The following SSRP1 variants were observed in gnomAD, a reference collection of about 807,000 sequenced individuals.
The protein encoded by SSRP1 is FACT complex subunit SSRP1.
A neutral mutation model predicts 84.4 loss-of-function variants in SSRP1; 21 were observed. The observed-to-expected ratio is 0.25, with a 90% confidence interval of 0.18 to 0.36. SSRP1 has a LOEUF of 0.36. Among genes scored for constraint, SSRP1 ranks in the 10% least tolerant of loss-of-function variants. The pLI is 1.00. For synonymous variants in SSRP1, 319 were observed against 318.3 expected, an observed-to-expected ratio of 1.00 and a Z score of -0.02; for missense variants, 519 against 900.8, an observed-to-expected ratio of 0.58 and a Z score of 5.43.
In SSRP1 at chr11:57,330,884, G is replaced by C; in HGVS notation, c.1267C>G (p.Leu423Val). 1 of 1,614,208 alleles carries C rather than the reference G, an allele frequency of 6.2e-7. No homozygotes were observed. The highest frequency in any genetic ancestry group is 8.5e-7 in the Non-Finnish European group (1 of 1,180,022). ...KLFDFVNAKK[L>V]NIKNRGLKEG... is the part of the protein sequence containing the mutation. ...TTCAATCCTCGGTTTTTGATGTTGA[G>C]CTTTTTCGCGTTGACAAAATCAAAC... The change falls in exon 10 of 17, where the codon CTC becomes GTC. Residue 423 changes from leucine to valine, a missense_variant. By Grantham distance (32) the Leu-to-Val change is conservative. Coordinates refer to ENST00000278412, the MANE Select transcript of SSRP1 (RefSeq NM_003146.3). This position sits in a 1 kb window ranked among gnomAD's most constrained non-coding sequence, Gnocchi z 4.0.
At chr11:57,333,178 A>C (rs531689655) in intron 4 of SSRP1, 29 bp from the exon 5 acceptor site, 3 of 1,586,092 alleles carry the variant, frequency 1.9e-6, no homozygotes, top group African/African-American at 1.3e-5. Context: ...TCCAGCCACA[A>C]GCTCCTCCCC....
chr11:57,334,064 G>T (rs1425407979), intron 3 of SSRP1, among the ~76,000 whole-genome samples: 1 of 152,132 alleles, frequency 6.6e-6, no homozygotes, highest in African/African-American at 2.4e-5. Flanking sequence ...GAGATGGAAG[G>T]ATTACTTGAG....
At position 57,331,965 on chromosome 11, in the gene SSRP1, G is replaced by C. The variant is rs148812525; in HGVS notation, c.1002-76C>G. ...AGGGCGTATCTAGCAGCAGCGACAC[G>C]AGTGCTCATGTCCTCGACTAAGTAA... is the stretch of plus-strand genomic sequence containing the variant. On this transcript the variant is annotated intron_variant, in intron 8 of 16. Coordinates refer to ENST00000278412, the MANE Select transcript of SSRP1 (RefSeq NM_003146.3). The C allele has an allele frequency of 2.7e-4, 407 of 1,498,246 alleles. No individual in the cohort carries two copies. The African/African-American group carries it at 5.0e-3, about 18-fold the overall frequency. 92.8% of individuals were successfully genotyped at this position (1,498,246 alleles called of 1,614,324 possible).
In SSRP1 at chr11:57,332,264, G is replaced by A. The variant is rs1303459920; in HGVS notation, c.889C>T (p.Arg297Cys). ...TTCTTGGTGAGCCGACCCTCAAAGC[G>A]CTTCTCCACTTCTTCCCTACAAAGA... is the stretch of plus-strand genomic sequence containing the variant. Reference protein sequence around the residue: ...LNMNEEEVEKRFEGRLTKNMS... With the variant: ...LNMNEEEVEKCFEGRLTKNMS... Residue 297 changes from arginine (R) to cysteine (C), a missense_variant, in exon 8 of 17, where the codon CGC becomes TGC. Physicochemically the swap from Arg to Cys is radical, Grantham distance 180. Coordinates refer to ENST00000278412, the MANE Select transcript of SSRP1 (RefSeq NM_003146.3). The surrounding 1 kb of genome is among the most constrained non-coding windows in gnomAD (Gnocchi z 5.5). 1 of 1,613,966 alleles carries A rather than the reference G, an allele frequency of 6.2e-7. No homozygotes were observed. Among genetic ancestry groups the A allele is most frequent in the South Asian group, 1.1e-5 (1 of 91,062 alleles).
At chr11:57,328,685 C>T (rs937932614) in intron 12 of SSRP1, 23 of 422,362 alleles carry the variant, frequency 5.4e-5, no homozygotes, top group Non-Finnish European at 8.8e-5. Context: ...CAATGAGCTT[C>T]AGCGGATCTC....
rs1856133996 is a variant in SSRP1 at position 57,333,312 on chromosome 11, G to A, written c.346+123C>T. ...TACTGTAGGTACTCAATAAACACATGATGAACATGCAAATAGATAGGAAAC... is the reference window on the plus strand; with the variant it reads ...TACTGTAGGTACTCAATAAACACATAATGAACATGCAAATAGATAGGAAAC... On this transcript the variant is annotated intron_variant, in intron 4 of 16. Transcript: ENST00000278412. The A allele has an allele frequency of 7.0e-6, 8 of 1,143,628 alleles. No homozygotes were observed. The South Asian group carries it at 1.1e-4, about 16-fold the overall frequency. The allele number at this position is 1,143,628 out of a possible 1,614,324, so 70.8% of individuals were successfully genotyped here.
In SSRP1 at chr11:57,329,944, A is replaced by G. The variant is rs989332159; in HGVS notation, c.1481+149T>C. 1.3e-5 allele frequency: 13 copies of G among 997,908 alleles called. 1 individual carries two copies. The African/African-American group carries it at 2.1e-4, about 16-fold the overall frequency. 61.8% of individuals were successfully genotyped at this position (997,908 alleles called of 1,614,324 possible). ...CTTACAAAGCCCTTGACAATTTCCAAAACATTTTCGTATATCACCTCATTG... is the reference window on the plus strand; with the variant it reads ...CTTACAAAGCCCTTGACAATTTCCAGAACATTTTCGTATATCACCTCATTG... On this transcript the variant is annotated intron_variant, in intron 12 of 16. Coordinates refer to ENST00000278412, the MANE Select transcript of SSRP1 (RefSeq NM_003146.3).
At chr11:57,331,267 C>G (rs1315950690) in intron 9 of SSRP1, among the ~76,000 whole-genome samples, 1 of 152,084 alleles carries the variant, frequency 6.6e-6, no homozygotes. Context: ...ATGAGGATTA[C>G]ACGTGAAGAT....
At position 57,332,654 on chromosome 11, in the gene SSRP1, G is replaced by T. The variant is rs1486772599; in HGVS notation, c.739C>A (p.His247Asn). 2 of 1,613,608 alleles carry T rather than the reference G, an allele frequency of 1.2e-6. No individual in the cohort carries two copies. Among genetic ancestry groups the T allele is most frequent in the South Asian group, 1.1e-5 (1 of 91,070 alleles). ...AAGAACATCTGGCGCTGGTCCTTGTGGGGTAACAAAAACAGACGCAGTACT... is the reference window on the plus strand; with the variant it reads ...AAGAACATCTGGCGCTGGTCCTTGTTGGGTAACAAAAACAGACGCAGTACT... ...TTVLRLFLLP[H>N]KDQRQMFFVI... The change falls in exon 6 of 17, where the codon CAC (histidine) becomes AAC (asparagine). Residue 247 changes from histidine (H) to asparagine (N), a missense_variant. Physicochemically the swap from His to Asn is moderately conservative, Grantham distance 68. Transcript: ENST00000278412. This position sits in a 1 kb window ranked among gnomAD's most constrained non-coding sequence, Gnocchi z 5.5.
In SSRP1 at chr11:57,333,009, C is replaced by T; in HGVS notation, c.487G>A (p.Val163Met). ...TGGGTGGGTGGGACGTAGAAGCGCA[C>T]CTCCATGAGAGACACCTCTGCGTCA... ...NDDAEVSLME[V>M]RFYVPPTQED... The change falls in exon 5 of 17, where the codon GTG becomes ATG. Residue 163 changes from valine (V) to methionine (M), a missense_variant. Transcript: ENST00000278412. 1 of 1,614,042 alleles carries T rather than the reference C, an allele frequency of 6.2e-7. No homozygotes were observed. The highest frequency in any genetic ancestry group is 8.5e-7 in the Non-Finnish European group (1 of 1,179,986).
In SSRP1 at chr11:57,326,334, A is replaced by T; in HGVS notation, c.*73T>A. ...CCAGGGACTGCATTTCATGAGGAGAAACTGGTACCAAAATATGGGTGGGGA... is the reference window on the plus strand; with the variant it reads ...CCAGGGACTGCATTTCATGAGGAGATACTGGTACCAAAATATGGGTGGGGA... On this transcript the variant is annotated 3_prime_UTR_variant, in exon 17 of 17. Transcript: ENST00000278412. The T allele has an allele frequency of 1.4e-6, 2 of 1,429,798 alleles. No homozygotes were observed. Among genetic ancestry groups the T allele is most frequent in the Non-Finnish European group, 2.0e-6 (2 of 1,017,136 alleles). The allele number at this position is 1,429,798 out of a possible 1,614,324, so 88.6% of individuals were successfully genotyped here. A position where few individuals can be genotyped will look rare whatever the true frequency, so the allele number is the denominator to read the frequency against.
chr11:57,333,225 T>G, intron 4 of SSRP1, 76 bp from the exon 5 acceptor site: 2 of 1,477,214 alleles, frequency 1.4e-6, no homozygotes, highest in Non-Finnish European at 1.8e-6. Flanking sequence ...CCAAACTGAG[T>G]TCCACAGAGA....
In SSRP1 at chr11:57,332,505, A is replaced by C. The variant is rs368525306; in HGVS notation, c.769-19T>G. On this transcript the variant is annotated intron_variant, in intron 6 of 16. Coordinates refer to ENST00000278412, the MANE Select transcript of SSRP1 (RefSeq NM_003146.3). This position sits in a 1 kb window ranked among gnomAD's most constrained non-coding sequence, Gnocchi z 5.5. ...GGCTGATCTAGTAAGGAAGAGTACT[A>C]ATTGACACTCTACAACAACTTGCAA... is the stretch of plus-strand genomic sequence containing the variant. 74 of 1,613,300 alleles carry C rather than the reference A, an allele frequency of 4.6e-5. No homozygotes were observed. The highest frequency in any genetic ancestry group is 6.0e-5 in the Non-Finnish European group (71 of 1,179,464).
intron 13 of SSRP1, 194 bp downstream of exon 13, chr11:57,328,100 CAGA>C (rs66774208): frequency 0.094 from 95,265 of 1,014,092 alleles, 5,144 homozygotes; most frequent in Non-Finnish European, 0.11. Context: ...TCAGACCTTC[CAGA>C]AGCTTATTAA....
intron 4 of SSRP1, 53 bp downstream of exon 4, chr11:57,333,382 G>A: frequency 6.7e-7 from 1 of 1,489,492 alleles, no homozygotes; most frequent in Non-Finnish European, 9.3e-7. Context: ...GTAAAAGGCT[G>A]AAACCCTTCA....
In SSRP1 at chr11:57,330,068, C is replaced by T; in HGVS notation, c.1481+25G>A. 2 of 1,614,080 alleles carry T rather than the reference C, an allele frequency of 1.2e-6. No individual in the cohort carries two copies. Among genetic ancestry groups the T allele is most frequent in the South Asian group, 1.1e-5 (1 of 91,080 alleles). ...TAAGCTTATGGGTCACCATCTTATC[C>T]CCACAAGGTACCACCAAAACTCACT... On this transcript the variant is annotated intron_variant, in intron 12 of 16. Transcript: ENST00000278412. This position sits in a 1 kb window ranked among gnomAD's most constrained non-coding sequence, Gnocchi z 4.0.
Position 57,330,909 on chromosome 11 carries a change from C to G in SSRP1, c.1242G>C (p.Leu414=), listed in dbSNP as rs558278189. 3.1e-6 allele frequency: 5 copies of G among 1,614,186 alleles called. No individual in the cohort carries two copies. In the Admixed American group the frequency reaches 5.0e-5, roughly 16 times the overall value. ...GCTTTTTCGCGTTGACAAAATCAAA[C>G]AGTTTCCCGTACTCCTCCCTGTGAG... The part of the protein sequence containing the change: ...SSIEREEYGK[L]FDFVNAKKLN... Residue 414 remains leucine (L), a synonymous_variant, in exon 10 of 17, where the codon CTG becomes CTC. Transcript: ENST00000278412. This position sits in a 1 kb window ranked among gnomAD's most constrained non-coding sequence, Gnocchi z 4.0.
chr11:57,332,226 G>A lies in SSRP1; in HGVS notation c.927C>T (p.Ser309=), dbSNP rs200954961. ...TGACCCGGCTGACCATCTCATAGAGGGATCCTGACATGTTCTTGGTGAGCC... is the reference window on the plus strand; with the variant it reads ...TGACCCGGCTGACCATCTCATAGAGAGATCCTGACATGTTCTTGGTGAGCC... ...EGRLTKNMSG[S]LYEMVSRVMK... Residue 309 remains serine, a synonymous_variant, in exon 8 of 17, where the codon TCC becomes TCT. Transcript: ENST00000278412. This position sits in a 1 kb window ranked among gnomAD's most constrained non-coding sequence, Gnocchi z 5.5. 9 of 1,613,812 alleles carry A rather than the reference G, an allele frequency of 5.6e-6. No homozygotes were observed. The highest frequency in any genetic ancestry group is 7.6e-6 in the Non-Finnish European group (9 of 1,180,008).
rs984485596 is a variant in SSRP1, at chr11:57,335,754, G to C, written c.-144C>G. ...CCTCCTCAGGCTGCGGCCTCGCGAGGGCCCCGGCGCGAGAGGTGGGCGCGC... is the reference window on the plus strand; with the variant it reads ...CCTCCTCAGGCTGCGGCCTCGCGAGCGCCCCGGCGCGAGAGGTGGGCGCGC... On this transcript the variant is annotated 5_prime_UTR_variant, in exon 1 of 17. Coordinates refer to ENST00000278412, the MANE Select transcript of SSRP1 (RefSeq NM_003146.3). This position sits in a 1 kb window ranked among gnomAD's most constrained non-coding sequence, Gnocchi z 4.6. 6.6e-6 allele frequency: 1 copy of C among 152,292 alleles called. No homozygotes were observed. Among genetic ancestry groups the C allele is most frequent in the Non-Finnish European group, 1.5e-5 (1 of 68,102 alleles). 9.4% of individuals were successfully genotyped at this position (152,292 alleles called of 1,614,324 possible).
Sources: allele counts gnomAD v4.1 joint callset (sites outside exome capture counted in the v4.1 genomes callset), GRCh38; gene constraint gnomAD v4.1.1; non-coding constraint Gnocchi (gnomAD v3.1); transcripts MANE v1.5; gene names NCBI Gene and HGNC (gene_info 2026-07-23, HGNC 2026-07-21).